Variants in RGSL1 observed in about 807,000 individuals in gnomAD.
RGSL1 encodes the protein regulator of G protein signaling like 1.
A neutral mutation model predicts 124.7 loss-of-function variants in RGSL1; 97 were observed. The observed-to-expected ratio is 0.78, with a 90% CI of 0.66 to 0.92. RGSL1 has a LOEUF of 0.92. RGSL1 is among the 40% of genes least tolerant of loss of function. The pLI is 0.00. For missense variants in RGSL1, 1,233 were observed against 1,288.4 expected, an observed-to-expected ratio of 0.96 and a Z score of 0.66; for synonymous variants, 424 against 438.1, an observed-to-expected ratio of 0.97 and a Z score of 0.40.
chr1:182,541,855 G>A (rs1659912436), intron 15 of RGSL1, among the ~76,000 whole-genome samples: 1 of 152,058 alleles, frequency 6.6e-6, no homozygotes, highest in African/African-American at 2.4e-5. Context: ...TCATATACCT[G>A]TTGGGCATTT....
At chr1:182,514,920 A>G (rs1449896471) in intron 9 of RGSL1, among the ~76,000 whole-genome samples, 18 of 152,228 alleles carry the variant, frequency 1.2e-4, no homozygotes, top group Non-Finnish European at 5.9e-5. Flanking sequence ...TACACTCCAG[A>G]GGAGTATAAG....
chr1:182,508,414 C>T (rs1035394216), intron 9 of RGSL1, among the ~76,000 whole-genome samples: 1 of 150,198 alleles, frequency 6.7e-6, no homozygotes, highest in South Asian at 2.1e-4. Flanking sequence ...ATTCTCCTGC[C>T]TCAGCCTCCT....
rs1658392235 is a variant in RGSL1, at chr1:182,522,124, C to T, written c.1931+15C>T. On this transcript the variant is annotated intron_variant, in intron 10 of 21. Coordinates refer to ENST00000294854, the MANE Select transcript of RGSL1 (RefSeq NM_001137669.2). ...ATGAGACCCAGGTGAGATATAGAATCTGTTTACAGCAACATCTTCAGGTAC... is the reference window on the plus strand; with the variant it reads ...ATGAGACCCAGGTGAGATATAGAATTTGTTTACAGCAACATCTTCAGGTAC... 6.7e-7 allele frequency: 1 copy of T among 1,496,810 alleles called. No individual in the cohort carries two copies. The highest frequency in any genetic ancestry group is 1.4e-5 in the African/African-American group (1 of 71,656). 92.7% of individuals were successfully genotyped at this position (1,496,810 alleles called of 1,614,324 possible).
intron 10 of RGSL1, among the ~76,000 whole-genome samples, chr1:182,523,117 C>G (rs1658473339): frequency 6.6e-6 from 1 of 151,704 alleles, no homozygotes; most frequent in Non-Finnish European, 1.5e-5. Flanking sequence ...CTCATTGCAG[C>G]CTCGACCTCC....
At chr1:182,527,169 C>A (rs1437630416) in intron 10 of RGSL1, among the ~76,000 whole-genome samples, 1 of 152,054 alleles carries the variant, frequency 6.6e-6, no homozygotes, top group East Asian at 1.9e-4. Flanking sequence ...ATTAGGGGCA[C>A]CTTTATTCAA....
intron 15 of RGSL1, among the ~76,000 whole-genome samples, chr1:182,545,970 GA>G (rs1337842703): frequency 6.6e-6 from 1 of 152,138 alleles, no homozygotes; most frequent in Admixed American, 6.5e-5. Context: ...TCAAGTTTTA[GA>G]ATGTTTTCTG....
At chr1:182,553,855 C>T (rs1307305715) in intron 19 of RGSL1, among the ~76,000 whole-genome samples, 1 of 152,110 alleles carries the variant, frequency 6.6e-6, no homozygotes, top group Non-Finnish European at 1.5e-5. Flanking sequence ...CCAGGCATGA[C>T]GTATGATGTT....
intron 11 of RGSL1, among the ~76,000 whole-genome samples, chr1:182,529,411 G>C (rs1462049309): frequency 6.6e-6 from 1 of 152,210 alleles, no homozygotes; most frequent in Non-Finnish European, 1.5e-5. Flanking sequence ...CCCATGAATT[G>C]TGAAGAGAGT....
At chr1:182,507,608 GT>G (rs1215386036) in intron 9 of RGSL1, among the ~76,000 whole-genome samples, 1 of 151,914 alleles carries the variant, frequency 6.6e-6, no homozygotes, top group African/African-American at 2.4e-5. Context: ...TATGTACCAT[GT>G]TTTCTTTATC....
intron 6 of RGSL1, among the ~76,000 whole-genome samples, chr1:182,480,644 C>T (rs1221082109): frequency 1.3e-5 from 2 of 151,906 alleles, no homozygotes; most frequent in East Asian, 1.9e-4. Context: ...TTCTTAGAGA[C>T]GGGGTTTCAC....
intron 6 of RGSL1, among the ~76,000 whole-genome samples, chr1:182,484,310 G>A (rs775095571): frequency 2.6e-5 from 4 of 152,096 alleles, no homozygotes; most frequent in Non-Finnish European, 5.9e-5. Flanking sequence ...GCCCAGGGGT[G>A]TGACTATTCC....
chr1:182,502,179 C>G (rs1037090517), intron 9 of RGSL1, among the ~76,000 whole-genome samples: 2 of 152,058 alleles, frequency 1.3e-5, no homozygotes, highest in Non-Finnish European at 2.9e-5. Flanking sequence ...AAAGAAAAAG[C>G]TGTTGTTTTT....
At chr1:182,515,555 G>GGC (rs1480364394) in intron 9 of RGSL1, among the ~76,000 whole-genome samples, 1 of 143,458 alleles carries the variant, frequency 7.0e-6, no homozygotes, top group Non-Finnish European at 1.5e-5. Context: ...AAAAAAAAAG[G>GGC]GGGGGGCGGG....
chr1:182,488,637 A>G, intron 7 of RGSL1: 2 of 375,928 alleles, frequency 5.3e-6, no homozygotes, highest in Non-Finnish European at 4.9e-6. Context: ...GAGGCAGGAG[A>G]ATGGTGTGAA....
At chr1:182,456,109 G>GT (rs1652297129) in intron 2 of RGSL1, among the ~76,000 whole-genome samples, 1 of 152,148 alleles carries the variant, frequency 6.6e-6, no homozygotes, top group South Asian at 2.1e-4. Context: ...CTGTTTAAGT[G>GT]TTGGGCAAGG....
chr1:182,468,431 G>C (rs543624550), intron 4 of RGSL1, among the ~76,000 whole-genome samples: 1 of 152,206 alleles, frequency 6.6e-6, no homozygotes, highest in Non-Finnish European at 1.5e-5. Context: ...GGAATACTAT[G>C]CAGCCATAAA....
At chr1:182,465,272 T>C (rs1425182787) in intron 4 of RGSL1, among the ~76,000 whole-genome samples, 1 of 152,078 alleles carries the variant, frequency 6.6e-6, no homozygotes, top group African/African-American at 2.4e-5. Context: ...TAGAATGGAA[T>C]ACTATGCAGC....
chr1:182,460,255 T>C, intron 4 of RGSL1, 122 bp downstream of exon 4: 1 of 1,314,200 alleles, frequency 7.6e-7, no homozygotes, highest in Non-Finnish European at 1.0e-6. Flanking sequence ...TGTAGAAATA[T>C]AGGAAGTCAC....
intron 14 of RGSL1, among the ~76,000 whole-genome samples, chr1:182,535,421 C>T (rs1659468363): frequency 6.6e-6 from 1 of 152,170 alleles, no homozygotes; most frequent in Non-Finnish European, 1.5e-5. Flanking sequence ...AGGAGTTTTA[C>T]AGCTTCCCTC....
Sources: allele counts gnomAD v4.1 joint callset (sites outside exome capture counted in the v4.1 genomes callset), GRCh38; gene constraint gnomAD v4.1.1; transcripts MANE v1.5; gene names NCBI Gene and HGNC (gene_info 2026-07-23, HGNC 2026-07-21).